The following USP9Y variants were observed in gnomAD, a reference collection of about 807,000 sequenced individuals.
USP9Y encodes the protein ubiquitin carboxyl-terminal hydrolase 9Y.
A neutral mutation model predicts 53.1 loss-of-function variants in USP9Y; 41 were observed. The observed-to-expected ratio is 0.77, with a 90% confidence interval of 0.60 to 1.00. The LOEUF is 1.00. USP9Y is among the 50% of genes least tolerant of loss of function. USP9Y has a pLI of 0.00. For missense variants in USP9Y, 567 were observed against 535.8 expected, an observed-to-expected ratio of 1.06 and a Z score of -0.58; for synonymous variants, 220 against 173.7, an observed-to-expected ratio of 1.27 and a Z score of -2.09.
At chrY:12,777,384 A>G (rs2053493496) in intron 19 of USP9Y, among the ~76,000 whole-genome samples, 1 of 33,380 alleles carries the variant, frequency 3.0e-5, no homozygotes, top group Non-Finnish European at 7.4e-5. Flanking sequence ...ACTAAATCAT[A>G]TAAGTATAAC....
rs2053560390 is a variant in USP9Y at position 12,840,862 on chromosome Y, TGTA to T, written c.6089-144_6089-142del. Reference sequence around the variant, plus strand: ...TATGGAAATATAGAAAAGCATTTGTTGTAGTAATTACTATTTTTTACTCAAGAA... The same window carrying T: ...TATGGAAATATAGAAAAGCATTTGTTGTAATTACTATTTTTTACTCAAGAA... On this transcript the variant is annotated intron_variant, in intron 36 of 45. Transcript: ENST00000338981. 7 of 172,131 alleles carry T rather than the reference TGTA, an allele frequency of 4.1e-5. No individual in the cohort carries two copies. The Middle Eastern group carries it at 5.8e-3, about 142-fold the overall frequency. 42.9% of individuals were successfully genotyped at this position (172,131 alleles called of 400,897 possible).
intron 27 of USP9Y, among the ~76,000 whole-genome samples, chrY:12,793,566 T>C: frequency 3.0e-5 from 1 of 33,457 alleles, no homozygotes; most frequent in Admixed American, 2.7e-4. Context: ...GATTGCAATA[T>C]TGTGCAGTCA....
At chrY:12,817,239 A>G in intron 32 of USP9Y, among the ~76,000 whole-genome samples, 4 of 34,032 alleles carry the variant, frequency 1.2e-4, no homozygotes, top group Non-Finnish European at 2.9e-4. Context: ...AGCCTGGGTG[A>G]CAGAGTGAGA....
rs371615108 is a variant in USP9Y, at chrY:12,827,891, G to A, written c.5022-5797G>A. Among the ~76,000 whole-genome samples, 3 of 32,764 alleles carry A rather than the reference G, an allele frequency of 9.2e-5. No homozygotes were observed. The East Asian group carries it at 2.4e-3, about 26-fold the overall frequency. 87.9% of individuals were successfully genotyped at this position (32,764 alleles called of 37,273 possible). A position where few individuals can be genotyped will look rare whatever the true frequency, so the allele number is the denominator to read the frequency against. On this transcript the variant is annotated intron_variant, in intron 33 of 45. Coordinates refer to ENST00000338981, the MANE Select transcript of USP9Y (RefSeq NM_004654.4). ...CAGGAGAATCGATTGAAGCCAGGAG[G>A]TGGAGTTTGCAATGAGCCGAAACCA...
chrY:12,744,666 C>G, intron 12 of USP9Y, among the ~76,000 whole-genome samples: 1 of 33,748 alleles, frequency 3.0e-5, no homozygotes, highest in Non-Finnish European at 7.4e-5. Flanking sequence ...TGCCTGGTTC[C>G]ATTTGCATTA....
At chrY:12,800,036 C>T in intron 27 of USP9Y, among the ~76,000 whole-genome samples, 1 of 33,395 alleles carries the variant, frequency 3.0e-5, no homozygotes, top group South Asian at 6.8e-4. Flanking sequence ...ATTGCAGACC[C>T]ACCATTGACT....
chrY:12,748,033 T>TA (rs2053461708), intron 12 of USP9Y, among the ~76,000 whole-genome samples: 2 of 32,944 alleles, frequency 6.1e-5, no homozygotes, highest in Admixed American at 5.4e-4. Context: ...CACATGTCTG[T>TA]AATCCCAGCT....
intron 3 of USP9Y, among the ~76,000 whole-genome samples, chrY:12,712,124 C>T (rs2053425504): frequency 3.0e-4 from 10 of 33,301 alleles, no homozygotes; most frequent in Non-Finnish European, 5.9e-4. Flanking sequence ...TGAATGTTCC[C>T]AGTGCACTTA....
chrY:12,848,483 T>G (rs2053569095), intron 42 of USP9Y, among the ~76,000 whole-genome samples: 1 of 33,705 alleles, frequency 3.0e-5, no homozygotes, highest in South Asian at 6.5e-4. Context: ...TTTGTCTATT[T>G]TGGCTTTTGT....
At chrY:12,855,976 A>G in intron 42 of USP9Y, among the ~76,000 whole-genome samples, 1 of 32,096 alleles carries the variant, frequency 3.1e-5, no homozygotes, top group Non-Finnish European at 7.6e-5. Flanking sequence ...AGAAAGAAAG[A>G]AAGGAAAAGA....
intron 22 of USP9Y, among the ~76,000 whole-genome samples, chrY:12,783,561 A>T (rs1003335682): frequency 1.5e-4 from 5 of 33,436 alleles, no homozygotes; most frequent in African/African-American, 2.3e-4. Flanking sequence ...AACAGATATG[A>T]TAATAATGAA....
At chrY:12,778,846 G>A in intron 21 of USP9Y, 91 bp downstream of exon 21, 1 of 220,131 alleles carries the variant, frequency 4.5e-6, no homozygotes, top group South Asian at 3.9e-5. Flanking sequence ...TCATAAATGG[G>A]TCAAAATGTC....
intron 30 of USP9Y, among the ~76,000 whole-genome samples, chrY:12,812,377 G>T: frequency 3.0e-5 from 1 of 33,226 alleles, no homozygotes; most frequent in Non-Finnish European, 7.4e-5. Context: ...CAGCATTGAG[G>T]TGATTTTCAT....
At chrY:12,735,476 A>G (rs2053450635) in intron 7 of USP9Y, 136 bp from the exon 8 acceptor site, 1 of 132,412 alleles carries the variant, frequency 7.6e-6, no homozygotes, top group Non-Finnish European at 1.4e-5. Context: ...CATGTCTTGT[A>G]CTCTTTTTAA....
At chrY:12,793,406 AT>A (rs2053510477) in intron 27 of USP9Y, among the ~76,000 whole-genome samples, 2 of 33,233 alleles carry the variant, frequency 6.0e-5, no homozygotes, top group African/African-American at 2.3e-4. Context: ...GCCAGCATTG[AT>A]TTTTTTCTTT....
intron 33 of USP9Y, among the ~76,000 whole-genome samples, chrY:12,820,413 T>G: frequency 5.9e-5 from 2 of 33,806 alleles, no homozygotes; most frequent in Non-Finnish European, 1.5e-4. Context: ...CACCCTTATA[T>G]GTATTAGCAT....
rs376322155 is a variant in USP9Y at position 12,794,854 on chromosome Y, A to T, written c.3983+1653A>T. Among the ~76,000 whole-genome samples the T allele has an allele frequency of 1.2e-3, 39 of 33,707 alleles. No homozygotes were observed. In the East Asian group the frequency reaches 0.013, roughly 11 times the overall value. The allele number at this position is 33,707 out of a possible 37,273, so 90.4% of individuals were successfully genotyped here. A position where few individuals can be genotyped will look rare whatever the true frequency, so the allele number is the denominator to read the frequency against. On this transcript the variant is annotated intron_variant, in intron 27 of 45. Transcript: ENST00000338981. ...CCAATGCCACACTCCTGATTAGTAC[A>T]TCAGGGAATATAAGTCCTTCAGCTT...
At chrY:12,713,769 T>C in intron 3 of USP9Y, among the ~76,000 whole-genome samples, 1 of 31,456 alleles carries the variant, frequency 3.2e-5, no homozygotes, top group African/African-American at 1.2e-4. Context: ...TTTCTAGATG[T>C]ACTCTTTTTT....
intron 37 of USP9Y, among the ~76,000 whole-genome samples, chrY:12,842,038 C>T: frequency 6.1e-5 from 2 of 32,544 alleles, no homozygotes; most frequent in Non-Finnish European, 7.5e-5. Flanking sequence ...ACATATATTT[C>T]GTATTTCATT....
Sources: gnomAD v4.1 joint callset for allele counts (sites outside exome capture counted in the v4.1 genomes callset) on GRCh38, gnomAD v4.1.1 for gene constraint, MANE v1.5 for transcripts, NCBI Gene and HGNC (gene_info 2026-07-23, HGNC 2026-07-21) for gene names.